The following RAB5C variants were observed in gnomAD, a reference collection of about 807,000 sequenced individuals.
RAB5C encodes RAB5C, member RAS oncogene family.
A neutral mutation model predicts 25.2 loss-of-function variants in RAB5C; 4 were observed. The observed-to-expected ratio is 0.16, with a 90% CI of 0.08 to 0.36. The LOEUF (loss-of-function observed/expected upper bound fraction) is 0.36. RAB5C is among the 10% of genes least tolerant of loss of function. The pLI, the probability that RAB5C is intolerant of heterozygous loss-of-function variation, is 1.00. For missense variants in RAB5C, 199 were observed against 283.8 expected, an observed-to-expected ratio of 0.70 and a Z score of 2.15; for synonymous variants, 100 against 106.4, an observed-to-expected ratio of 0.94 and a Z score of 0.37.
intron 1 of RAB5C, among the ~76,000 whole-genome samples, chr17:42,144,328 G>A (rs2079619399): frequency 6.6e-6 from 1 of 151,912 alleles, no homozygotes. Flanking sequence ...ATGGTGGCAT[G>A]TGCCTGTAAT....
intron 1 of RAB5C, among the ~76,000 whole-genome samples, chr17:42,136,910 T>C (rs1191145803): frequency 6.6e-6 from 1 of 152,234 alleles, no homozygotes; most frequent in Non-Finnish European, 1.5e-5. Context: ...CTCATTACCA[T>C]AACCCCTGTT....
intron 1 of RAB5C, among the ~76,000 whole-genome samples, chr17:42,140,633 C>T (rs1455435732): frequency 2.0e-5 from 3 of 150,172 alleles, no homozygotes; most frequent in African/African-American, 4.9e-5. Flanking sequence ...AAGCGATTCT[C>T]GTGCTTCAGC....
chr17:42,147,267 ATG>A lies in RAB5C; in HGVS notation c.-89+7624_-89+7625del, dbSNP rs1344186719. The stretch of plus-strand genomic sequence containing the variant: ...TAAAGACCCCATCTGTGGAATACAC[ATG>A]TGAGGGCTGCTCATACCACTGGTCT... On this transcript the variant is annotated intron_variant, in intron 1 of 5. Coordinates refer to ENST00000346213, the MANE Select transcript of RAB5C (RefSeq NM_004583.4). Among the ~76,000 whole-genome samples, 8 of 152,310 alleles carry A rather than the reference ATG, an allele frequency of 5.3e-5. 1 individual carries two copies. The South Asian group carries it at 1.5e-3, about 28-fold the overall frequency.
Position 42,144,780 on chromosome 17 carries a change from A to T in RAB5C, c.-89+10113T>A, listed in dbSNP as rs546357072. 2.6e-4 allele frequency among the ~76,000 whole-genome samples: 40 copies of T among 151,900 alleles called. 1 individual carries two copies. The highest frequency in any genetic ancestry group is 2.2e-3 in the Admixed American group (33 of 15,238). On this transcript the variant is annotated intron_variant, in intron 1 of 5. Transcript: ENST00000346213. ...TGTCTCTACTAAAAATACAAAAATT[A>T]GCTGGGCGTGGTGGCGGGCGCCTGT...
At chr17:42,128,407 C>T (rs535101480) in intron 3 of RAB5C, 24 bp from the exon 4 acceptor site, 12 of 1,604,546 alleles carry the variant, frequency 7.5e-6, no homozygotes, top group East Asian at 2.2e-5. Context: ...GACAGAATGT[C>T]GAAGGGACAG....
At chr17:42,145,221 C>T (rs2079628647) in intron 1 of RAB5C, among the ~76,000 whole-genome samples, 1 of 152,030 alleles carries the variant, frequency 6.6e-6, no homozygotes, top group Non-Finnish European at 1.5e-5. Flanking sequence ...TGTAGCTACT[C>T]CGCCCTCAAC....
At chr17:42,131,016 A>C (rs958221029) in intron 1 of RAB5C, among the ~76,000 whole-genome samples, 4 of 152,210 alleles carry the variant, frequency 2.6e-5, no homozygotes, top group Admixed American at 2.6e-4. Flanking sequence ...ATTTAGATCA[A>C]TAATGAAGTT....
rs114577456 is a variant in RAB5C, at chr17:42,130,824, C to T, written c.-88-234G>A. On this transcript the variant is annotated intron_variant, in intron 1 of 5. Coordinates refer to ENST00000346213, the MANE Select transcript of RAB5C (RefSeq NM_004583.4). ...AAAGAGGAGAATGGTCTCCCAACTT[C>T]AGGCTCATGGTTCTGAGCAAACACA... 3.5e-3 allele frequency among the ~76,000 whole-genome samples: 537 copies of T among 151,930 alleles called. 3 individuals are homozygous for T. Among genetic ancestry groups the T allele is most frequent in the African/African-American group, 0.013 (518 of 41,422 alleles).
intron 1 of RAB5C, among the ~76,000 whole-genome samples, chr17:42,147,168 GAGAA>G (rs1013511179): frequency 8.2e-5 from 12 of 145,696 alleles, no homozygotes; most frequent in Admixed American, 4.1e-4. Context: ...GAGAGAGAGA[GAGAA>G]AGAAAGAAAG....
chr17:42,125,711 G>A lies in RAB5C; in HGVS notation c.*72C>T, dbSNP rs1402175494. 32 of 1,110,370 alleles carry A rather than the reference G, an allele frequency of 2.9e-5. No individual in the cohort carries two copies. Among genetic ancestry groups the A allele is most frequent in the Admixed American group, 1.2e-4 (6 of 48,700 alleles). The allele number at this position is 1,110,370 out of a possible 1,614,324, so 68.8% of individuals were successfully genotyped here. A position where few individuals can be genotyped will look rare whatever the true frequency, so the allele number is the denominator to read the frequency against. ...AGTGGTGGCCCGAGTCGTTAAGTGCGATTGGTTAGAGTGGATTCCAGTCGG... is the reference window on the plus strand; with the variant it reads ...AGTGGTGGCCCGAGTCGTTAAGTGCAATTGGTTAGAGTGGATTCCAGTCGG... On this transcript the variant is annotated 3_prime_UTR_variant, in exon 6 of 6. Coordinates refer to ENST00000346213, the MANE Select transcript of RAB5C (RefSeq NM_004583.4).
intron 1 of RAB5C, among the ~76,000 whole-genome samples, chr17:42,146,084 G>A (rs2079633250): frequency 6.6e-6 from 1 of 152,148 alleles, no homozygotes; most frequent in South Asian, 2.1e-4. Flanking sequence ...TGGGATTACA[G>A]GCGTGAGTCA....
rs768136993 is a variant in RAB5C at position 42,130,326 on chromosome 17, T to C, written c.166+11A>G. The stretch of plus-strand genomic sequence containing the variant: ...TTCAGGCCCCTCCCCGACTCCCTCA[T>C]GCCCACTCACCTCCAATTGTGCTCT... On this transcript the variant is annotated intron_variant, in intron 2 of 5. Transcript: ENST00000346213. The C allele has an allele frequency of 1.9e-6, 3 of 1,590,338 alleles. No homozygotes were observed. Among genetic ancestry groups the C allele is most frequent in the Non-Finnish European group, 2.6e-6 (3 of 1,162,542 alleles).
chr17:42,146,379 C>T (rs939984900), intron 1 of RAB5C, among the ~76,000 whole-genome samples: 1 of 152,146 alleles, frequency 6.6e-6, no homozygotes, highest in African/African-American at 2.4e-5. Context: ...GTACTATCTG[C>T]GTAACTTTTC....
At chr17:42,149,265 C>T (rs755572057) in intron 1 of RAB5C, among the ~76,000 whole-genome samples, 1 of 152,106 alleles carries the variant, frequency 6.6e-6, no homozygotes. Flanking sequence ...GAGTTGAACC[C>T]AAAGCAGCTG....
intron 1 of RAB5C, among the ~76,000 whole-genome samples, chr17:42,148,403 C>CAAAA (rs71228786): frequency 9.4e-4 from 54 of 57,168 alleles, no homozygotes; most frequent in African/African-American, 1.8e-3. Context: ...GACTCCATCT[C>CAAAA]AAAAAAAAAA....
At chr17:42,128,926 G>A in intron 2 of RAB5C, 126 bp from the exon 3 acceptor site, 1 of 921,148 alleles carries the variant, frequency 1.1e-6, no homozygotes, top group Admixed American at 3.9e-5. Flanking sequence ...GAACCCTCAA[G>A]CCAGGAGCCA....
chr17:42,128,295 G>A lies in RAB5C; in HGVS notation c.407C>T (p.Ala136Val). 1 of 1,614,070 alleles carries A rather than the reference G, an allele frequency of 6.2e-7. No homozygotes were observed. The highest frequency in any genetic ancestry group is 8.5e-7 in the Non-Finnish European group (1 of 1,179,976). Residue 136 changes from alanine (A) to valine (V), a missense_variant, in exon 4 of 6, where the codon GCA (alanine) becomes GTA (valine). Coordinates refer to ENST00000346213, the MANE Select transcript of RAB5C (RefSeq NM_004583.4). ...CACGGCTCTCTTGCTGGCCAGGTCTGCCTTGTTACCCGCGAGTGCAATGAC... is the reference window on the plus strand; with the variant it reads ...CACGGCTCTCTTGCTGGCCAGGTCTACCTTGTTACCCGCGAGTGCAATGAC... ...NIVIALAGNK[A>V]DLASKRAVEF...
chr17:42,154,161 T>C (rs963585236), intron 1 of RAB5C, among the ~76,000 whole-genome samples: 1 of 151,984 alleles, frequency 6.6e-6, no homozygotes, highest in African/African-American at 2.4e-5. Flanking sequence ...AAGAAGATAA[T>C]GAATGGGCAC....
chr17:42,145,613 G>C (rs959638654), intron 1 of RAB5C, among the ~76,000 whole-genome samples: 47 of 152,148 alleles, frequency 3.1e-4, no homozygotes, highest in African/African-American at 1.1e-3. Flanking sequence ...GGACATCATG[G>C]TGAAACCTTG....
Sources: allele counts gnomAD v4.1 joint callset (sites outside exome capture counted in the v4.1 genomes callset), GRCh38; gene constraint gnomAD v4.1.1; transcripts MANE v1.5; gene names NCBI Gene and HGNC (gene_info 2026-07-23, HGNC 2026-07-21).